The following EIF3B variants were observed in gnomAD, a reference collection of about 807,000 sequenced individuals.
EIF3B encodes eukaryotic translation initiation factor 3 subunit B.
EIF3B carries 10 observed loss-of-function variants against 104.6 expected under a neutral mutation model. The observed-to-expected ratio is 0.10, with a 90% CI of 0.06 to 0.16. The LOEUF is 0.16. Among genes scored for constraint, EIF3B ranks in the 10% least tolerant of loss-of-function variants. EIF3B has a pLI of 1.00. For missense variants in EIF3B, 1,014 were observed against 1,087.9 expected (o/e 0.93, Z 0.96); for synonymous variants, 542 against 417.2 (o/e 1.30, Z -3.65).
At chr7:2,375,348 T>G in intron 13 of EIF3B, 41 bp from the exon 14 acceptor site, 4 of 1,609,840 alleles carry the variant, frequency 2.5e-6, no homozygotes, top group Non-Finnish European at 3.4e-6. Flanking sequence ...CCAGGAGGTA[T>G]GCGTCTCCAT....
rs898111644 is a variant in EIF3B at position 2,372,011 on chromosome 7, G to C, written c.1687+162G>C. ...AGGTCACAGAACGTGTTTAGAGCCT[G>C]GGCAACATAGTGAGACCCTCTCTGT... On this transcript the variant is annotated intron_variant, in intron 11 of 18. Coordinates refer to ENST00000360876, the MANE Select transcript of EIF3B (RefSeq NM_001037283.2). 1.1e-5 allele frequency: 7 copies of C among 622,366 alleles called. No homozygotes were observed. In the African/African-American group the frequency reaches 1.3e-4, roughly 11 times the overall value. 38.6% of individuals were successfully genotyped at this position (622,366 alleles called of 1,614,324 possible). A position where few individuals can be genotyped will look rare whatever the true frequency, so the allele number is the denominator to read the frequency against.
At chr7:2,372,574 G>T in intron 11 of EIF3B, 99 bp from the exon 12 acceptor site, 2 of 1,433,752 alleles carry the variant, frequency 1.4e-6, no homozygotes, top group African/African-American at 1.4e-5. Context: ...ACACGTCGGG[G>T]GATATTTCTC....
Position 2,360,755 on chromosome 7 carries a change from G to A in EIF3B, c.545G>A (p.Gly182Glu). 1.2e-6 allele frequency: 2 copies of A among 1,600,796 alleles called. No homozygotes were observed. Among genetic ancestry groups the A allele is most frequent in the Non-Finnish European group, 1.7e-6 (2 of 1,168,834 alleles). Residue 182 changes from glycine (G) to glutamate (E), a missense_variant, in exon 2 of 19, where the codon GGA becomes GAA. Transcript: ENST00000360876. ...AAAGATCGGCCCCAGGAAGCAGATG[G>A]AATCGATTCGGTGATTGTAGTGGAC... ...VLKDRPQEAD[G>E]IDSVIVVDNV...
chr7:2,377,529 CAAG>C (rs771145434), intron 15 of EIF3B, among the ~76,000 whole-genome samples: 2,122 of 90,714 alleles, frequency 0.023, 27 homozygotes, highest in Middle Eastern at 0.081. Flanking sequence ...CCCTGGGTGT[CAAG>C]GAGGAAGGAG....
rs751250530 is a variant in EIF3B, at chr7:2,355,326, G to T, written c.405G>T (p.Ala135=). The change falls in exon 1 of 19, where the codon GCG becomes GCT. Residue 135 remains alanine (A), a synonymous_variant. Coordinates refer to ENST00000360876, the MANE Select transcript of EIF3B (RefSeq NM_001037283.2). ...ACGCGGGAGGAAACGAGGGCAGAGCGGCCGAGGCCGAACCCCGGGCGCTGG... is the reference window on the plus strand; with the variant it reads ...ACGCGGGAGGAAACGAGGGCAGAGCTGCCGAGGCCGAACCCCGGGCGCTGG... The part of the protein sequence containing the change: ...SEDAGGNEGR[A]AEAEPRALEN... 2.6e-6 allele frequency: 4 copies of T among 1,540,650 alleles called. No individual in the cohort carries two copies. The highest frequency in any genetic ancestry group is 3.5e-6 in the Non-Finnish European group (4 of 1,150,668).
chr7:2,366,655 C>T (rs1583164582), intron 8 of EIF3B, 64 bp downstream of exon 8: 25 of 1,574,934 alleles, frequency 1.6e-5, no homozygotes, highest in East Asian at 2.2e-5. Flanking sequence ...GGTGTGGTGC[C>T]TTTCCTTATT....
intron 9 of EIF3B, 86 bp downstream of exon 9, chr7:2,367,131 A>T: frequency 1.6e-6 from 2 of 1,275,322 alleles, no homozygotes; most frequent in African/African-American, 3.0e-5. Context: ...ACAATACCAT[A>T]GGCTGGGTGG....
intron 9 of EIF3B, among the ~76,000 whole-genome samples, chr7:2,368,881 A>G (rs899208035): frequency 9.2e-5 from 14 of 152,226 alleles, no homozygotes; most frequent in African/African-American, 2.2e-4. Context: ...GGGCAAAATT[A>G]TGGCTTATAA....
Position 2,367,825 on chromosome 7 carries a change from A to T in EIF3B, c.1403+780A>T, listed in dbSNP as rs535385535. On this transcript the variant is annotated intron_variant, in intron 9 of 18. Coordinates refer to ENST00000360876, the MANE Select transcript of EIF3B (RefSeq NM_001037283.2). Reference sequence around the variant, plus strand: ...ACGGTGAGTTTGTTCTTTTTTTAAAATTTTTTTTTTTTTTTTTTTTTTTTT... The same window carrying T: ...ACGGTGAGTTTGTTCTTTTTTTAAATTTTTTTTTTTTTTTTTTTTTTTTTT... 8.3e-3 allele frequency among the ~76,000 whole-genome samples: 500 copies of T among 60,348 alleles called. 13 individuals carry two copies. Among genetic ancestry groups the T allele is most frequent in the African/African-American group, 0.035 (408 of 11,694 alleles). The allele number at this position is 60,348 out of a possible 152,430, so 39.6% of individuals were successfully genotyped here.
chr7:2,357,358 T>C (rs933368672), intron 1 of EIF3B, among the ~76,000 whole-genome samples: 1 of 152,172 alleles, frequency 6.6e-6, no homozygotes, highest in Non-Finnish European at 1.5e-5. Context: ...AAGCCGACTT[T>C]GTCATGGCCC....
At chr7:2,366,273 C>T (rs770278009) in intron 6 of EIF3B, 44 bp from the exon 7 acceptor site, 1 of 1,536,204 alleles carries the variant, frequency 6.5e-7, no homozygotes, top group Non-Finnish European at 8.7e-7. Context: ...CTGTGATCCT[C>T]TCGTGAGAGG....
chr7:2,376,419 A>G (rs1011648783), intron 14 of EIF3B: 2 of 152,178 alleles, frequency 1.3e-5, no homozygotes, highest in African/African-American at 2.4e-5. Context: ...GCCGGCCTGC[A>G]ACAAGGAGTT....
intron 2 of EIF3B, among the ~76,000 whole-genome samples, 162 bp downstream of exon 2, chr7:2,361,064 T>A (rs1258215057): frequency 6.6e-6 from 1 of 152,176 alleles, no homozygotes; most frequent in African/African-American, 2.4e-5. Context: ...GAGCAGTGAA[T>A]GAGAAGATGA....
At chr7:2,374,880 A>G in intron 13 of EIF3B, 1 of 375,022 alleles carries the variant, frequency 2.7e-6, no homozygotes, top group Non-Finnish European at 4.8e-6. Flanking sequence ...CTCTGTGGTT[A>G]AACAAGTGCC....
At chr7:2,372,204 TAAA>T (rs145083911) in intron 11 of EIF3B, 21 of 252,204 alleles carry the variant, frequency 8.3e-5, no homozygotes, top group Non-Finnish European at 1.4e-4. Context: ...AGACCCTGTC[TAAA>T]AAAAAGAGAA....
intron 3 of EIF3B, 100 bp from the exon 4 acceptor site, chr7:2,362,970 G>A: frequency 6.7e-7 from 1 of 1,486,222 alleles, no homozygotes; most frequent in Non-Finnish European, 9.3e-7. Flanking sequence ...AGCCCTGGGG[G>A]CGGGCAGGCA....
intron 6 of EIF3B, among the ~76,000 whole-genome samples, chr7:2,365,037 C>A (rs559285326): frequency 6.6e-6 from 1 of 152,244 alleles, no homozygotes; most frequent in Non-Finnish European, 1.5e-5. Context: ...ATTGCAACCC[C>A]AGCCTCCCAG....
At chr7:2,360,675 T>TA (rs763187612) in intron 1 of EIF3B, 35 bp from the exon 2 acceptor site, 24 of 1,538,726 alleles carry the variant, frequency 1.6e-5, no homozygotes, top group Non-Finnish European at 1.9e-5. Context: ...TTTTTCTTGG[T>TA]AAAAATGATC....
At chr7:2,366,186 G>T in intron 6 of EIF3B, 131 bp from the exon 7 acceptor site, 1 of 939,026 alleles carries the variant, frequency 1.1e-6, no homozygotes, top group Non-Finnish European at 1.6e-6. Flanking sequence ...TGGGTCTCTT[G>T]GGGCCGGGCA....
Sources: allele counts gnomAD v4.1 joint callset (sites outside exome capture counted in the v4.1 genomes callset), GRCh38; gene constraint gnomAD v4.1.1; transcripts MANE v1.5; gene names NCBI Gene and HGNC (gene_info 2026-07-23, HGNC 2026-07-21).